ARHGAP10: variants seen among roughly 807,000 people sequenced by gnomAD.
ARHGAP10 encodes Rho GTPase activating protein 10.
In ARHGAP10, 87 loss-of-function variants were observed where a neutral mutation model predicts 108.6. The ratio of observed to expected loss-of-function variants is 0.80; its 90% confidence interval spans 0.67 to 0.96. The LOEUF is 0.96. ARHGAP10 is among the 40% of genes least tolerant of loss of function. The pLI, the probability that ARHGAP10 is intolerant of heterozygous loss-of-function variation, is 0.00. For missense variants in ARHGAP10, 939 were observed against 954.5 expected, an observed-to-expected ratio of 0.98 and a Z score of 0.21; for synonymous variants, 347 against 341.1, an observed-to-expected ratio of 1.02 and a Z score of -0.19.
chr4:147,898,923 C>T (rs2126897039), intron 10 of ARHGAP10, among the ~76,000 whole-genome samples: 1 of 152,306 alleles, frequency 6.6e-6, no homozygotes, highest in Non-Finnish European at 1.5e-5. Context: ...CACGGGGGAA[C>T]CACTCCTGTG....
chr4:147,921,612 G>A (rs997064674), intron 13 of ARHGAP10, among the ~76,000 whole-genome samples: 1 of 152,138 alleles, frequency 6.6e-6, no homozygotes, highest in Non-Finnish European at 1.5e-5. Flanking sequence ...GAGGTTGAGG[G>A]AAGAAATAAC....
intron 10 of ARHGAP10, among the ~76,000 whole-genome samples, 153 bp from the exon 11 acceptor site, chr4:147,906,485 A>G (rs1407043799): frequency 2.0e-5 from 3 of 152,214 alleles, no homozygotes; most frequent in Non-Finnish European, 4.4e-5. Context: ...ATTGAACTCT[A>G]CACTTAAAAA....
chr4:147,909,642 A>AT (rs527688091), intron 11 of ARHGAP10, 90 bp from the exon 12 acceptor site: 1,249 of 1,088,570 alleles, frequency 1.1e-3, no homozygotes, highest in East Asian at 2.2e-3. Context: ...ATAAAAATGT[A>AT]TTTTTTTTTG....
At chr4:147,761,746 C>G (rs974567759) in intron 1 of ARHGAP10, among the ~76,000 whole-genome samples, 1 of 152,112 alleles carries the variant, frequency 6.6e-6, no homozygotes. Context: ...GCTAGTTTAC[C>G]TTTCATAGTA....
At chr4:147,928,965 G>A (rs1199052811) in intron 13 of ARHGAP10, among the ~76,000 whole-genome samples, 1 of 152,176 alleles carries the variant, frequency 6.6e-6, no homozygotes, top group Non-Finnish European at 1.5e-5. Context: ...GCACAGAGAG[G>A]CTGAATAACT....
chr4:147,899,876 G>GTT (rs5862818), intron 10 of ARHGAP10, among the ~76,000 whole-genome samples: 28 of 140,034 alleles, frequency 2.0e-4, no homozygotes, highest in African/African-American at 2.9e-4. Context: ...TACGTGCTGG[G>GTT]TTTTTTTTTT....
chr4:147,842,187 G>A (rs1406083172), intron 3 of ARHGAP10, among the ~76,000 whole-genome samples: 1 of 151,984 alleles, frequency 6.6e-6, no homozygotes, highest in Non-Finnish European at 1.5e-5. Flanking sequence ...CACCCGCCTC[G>A]GCCTCCAAAA....
At chr4:147,873,697 C>CAA (rs1734939071) in intron 7 of ARHGAP10, among the ~76,000 whole-genome samples, 2 of 148,482 alleles carry the variant, frequency 1.3e-5, no homozygotes, top group East Asian at 2.0e-4. Context: ...CACACACACA[C>CAA]ACACACACAC....
chr4:147,982,730 T>G (rs944314276), intron 18 of ARHGAP10, among the ~76,000 whole-genome samples: 4 of 151,946 alleles, frequency 2.6e-5, no homozygotes, highest in African/African-American at 4.8e-5. Flanking sequence ...TTTTAACCTC[T>G]CAAGCAAGAT....
At chr4:147,861,291 C>A (rs1272236426) in intron 5 of ARHGAP10, 1 of 152,386 alleles carries the variant, frequency 6.6e-6, no homozygotes, top group East Asian at 1.9e-4. Context: ...CAGGTCGCTT[C>A]CATTGTGGGC....
intron 1 of ARHGAP10, among the ~76,000 whole-genome samples, chr4:147,819,591 A>C (rs1183529340): frequency 6.6e-6 from 1 of 151,756 alleles, no homozygotes; most frequent in African/African-American, 2.4e-5. Flanking sequence ...TCTGTCACCC[A>C]GGCTGGAGTT....
chr4:147,779,928 C>A (rs923797836), intron 1 of ARHGAP10, among the ~76,000 whole-genome samples: 1 of 152,194 alleles, frequency 6.6e-6, no homozygotes, highest in African/African-American at 2.4e-5. Flanking sequence ...TAGACACTTA[C>A]ACCCTTATAG....
intron 10 of ARHGAP10, among the ~76,000 whole-genome samples, chr4:147,905,550 C>T (rs576845591): frequency 0.058 from 6,634 of 113,814 alleles, 434 homozygotes; most frequent in African/African-American, 0.15. Context: ...TGTAGATATG[C>T]GGCGTTATTT....
intron 13 of ARHGAP10, among the ~76,000 whole-genome samples, chr4:147,922,693 A>C (rs1403920457): frequency 6.6e-6 from 1 of 151,784 alleles, no homozygotes; most frequent in African/African-American, 2.4e-5. Context: ...GTCTCAAAAA[A>C]AAAAAAAAAA....
intron 10 of ARHGAP10, among the ~76,000 whole-genome samples, chr4:147,900,834 A>G (rs1010545446): frequency 8.6e-5 from 13 of 151,380 alleles, no homozygotes; most frequent in African/African-American, 1.2e-4. Context: ...AACAACAACA[A>G]CAACAACAAC....
chr4:148,071,375 G>C (rs1002727726), intron 22 of ARHGAP10, among the ~76,000 whole-genome samples: 6 of 152,228 alleles, frequency 3.9e-5, no homozygotes, highest in African/African-American at 1.2e-4. Context: ...CAGCACTCTG[G>C]GGGGCCAAGG....
intron 4 of ARHGAP10, among the ~76,000 whole-genome samples, chr4:147,848,586 G>A (rs1416259183): frequency 6.6e-6 from 1 of 152,146 alleles, no homozygotes; most frequent in African/African-American, 2.4e-5. Flanking sequence ...TTGCATTTTG[G>A]TTCATTCTCT....
intron 18 of ARHGAP10, among the ~76,000 whole-genome samples, chr4:148,002,428 C>G (rs1036415184): frequency 2.0e-5 from 3 of 152,144 alleles, no homozygotes; most frequent in Non-Finnish European, 4.4e-5. Flanking sequence ...CTGGCCTCAT[C>G]AAATGAGTTA....
intron 18 of ARHGAP10, among the ~76,000 whole-genome samples, chr4:147,991,567 T>C (rs56657155): frequency 0.11 from 17,428 of 152,186 alleles, 1,360 homozygotes; most frequent in African/African-American, 0.23. Context: ...CTTTACCTAG[T>C]GTGTACCAAA....
Sources: allele counts gnomAD v4.1 joint callset (sites outside exome capture counted in the v4.1 genomes callset), GRCh38; gene constraint gnomAD v4.1.1; transcripts MANE v1.5; gene names NCBI Gene and HGNC (gene_info 2026-07-23, HGNC 2026-07-21).